The following SPTBN4 variants were observed in gnomAD, a reference collection of about 807,000 sequenced individuals.
SPTBN4 encodes spectrin beta, non-erythrocytic 4.
In SPTBN4, 96 loss-of-function variants were observed where a neutral mutation model predicts 277.8. The ratio of observed to expected loss-of-function variants is 0.35; its 90% confidence interval spans 0.29 to 0.41. The LOEUF (loss-of-function observed/expected upper bound fraction) is 0.41. SPTBN4 is among the 10% of genes least tolerant of loss of function. SPTBN4 has a pLI of 1.00. For missense variants in SPTBN4, 3,006 were observed against 3,595.7 expected (o/e 0.84, Z 4.19); for synonymous variants, 1,481 against 1,580.3 (o/e 0.94, Z 1.49).
intron 6 of SPTBN4, among the ~76,000 whole-genome samples, 177 bp downstream of exon 6, chr19:40,495,154 C>A (rs2080181918): frequency 6.6e-6 from 1 of 152,202 alleles, no homozygotes; most frequent in African/African-American, 2.4e-5. Context: ...CACATTTACA[C>A]ACAGGAACAC....
chr19:40,467,740 C>T (rs1331974805), intron 1 of SPTBN4, among the ~76,000 whole-genome samples: 1 of 152,066 alleles, frequency 6.6e-6, no homozygotes, highest in Non-Finnish European at 1.5e-5. Context: ...CTCGGCCTGG[C>T]CAGAGGGCTA....
chr19:40,575,703 A>C lies in SPTBN4; in HGVS notation c.*134A>C. 8.7e-7 allele frequency: 1 copy of C among 1,155,858 alleles called. No individual in the cohort carries two copies. The highest frequency in any genetic ancestry group is 1.7e-5 in the South Asian group (1 of 60,392). The allele number at this position is 1,155,858 out of a possible 1,614,324, so 71.6% of individuals were successfully genotyped here. A position where few individuals can be genotyped will look rare whatever the true frequency, so the allele number is the denominator to read the frequency against. The stretch of plus-strand genomic sequence containing the variant: ...GGACGCGTGACATGGTGGGCACCGG[A>C]AAGGAGGGGACTTCTCCTGCACCCC... On this transcript the variant is annotated 3_prime_UTR_variant, in exon 36 of 36. Transcript: ENST00000598249.
At chr19:40,512,078 G>A (rs1301117440) in intron 13 of SPTBN4, among the ~76,000 whole-genome samples, 4 of 152,052 alleles carry the variant, frequency 2.6e-5, no homozygotes, top group South Asian at 4.1e-4. Context: ...AACCGAGATC[G>A]CGCTACTGCA....
chr19:40,537,497 A>G (rs546194969), intron 20 of SPTBN4, among the ~76,000 whole-genome samples: 9 of 152,354 alleles, frequency 5.9e-5, no homozygotes, highest in African/African-American at 2.2e-4. Context: ...AACCTTGCAG[A>G]TGCCTTGAAA....
intron 12 of SPTBN4, 143 bp downstream of exon 12, chr19:40,504,275 A>C: frequency 1.3e-6 from 1 of 795,968 alleles, no homozygotes; most frequent in Non-Finnish European, 1.9e-6. Flanking sequence ...GGAGACAAAA[A>C]GAGAGAACAA....
intron 20 of SPTBN4, among the ~76,000 whole-genome samples, chr19:40,547,653 A>G (rs2080873191): frequency 6.6e-6 from 1 of 152,194 alleles, no homozygotes; most frequent in Non-Finnish European, 1.5e-5. Flanking sequence ...CCAACAGTGT[A>G]AAAGTGTTCC....
chr19:40,486,296 G>GA (rs1451007874), intron 2 of SPTBN4, among the ~76,000 whole-genome samples: 4 of 151,490 alleles, frequency 2.6e-5, no homozygotes, highest in Admixed American at 2.6e-4. Flanking sequence ...CGTCTCAAGG[G>GA]AAAAAAAAGG....
At chr19:40,478,451 G>C (rs2079972839) in intron 2 of SPTBN4, among the ~76,000 whole-genome samples, 1 of 152,146 alleles carries the variant, frequency 6.6e-6, no homozygotes, top group African/African-American at 2.4e-5. Flanking sequence ...GATCGCTTGA[G>C]CCCAGGAATT....
At chr19:40,532,511 C>A in intron 18 of SPTBN4, 114 bp from the exon 19 acceptor site, 1 of 1,359,420 alleles carries the variant, frequency 7.4e-7, no homozygotes, top group Non-Finnish European at 9.8e-7. Flanking sequence ...TTTCCTATTC[C>A]TTCCACCCAT....
intron 18 of SPTBN4, 63 bp downstream of exon 18, chr19:40,529,194 C>T: frequency 1.4e-6 from 2 of 1,390,698 alleles, no homozygotes; most frequent in East Asian, 2.3e-5. Context: ...AAGTGCTTCT[C>T]GGCCGAGGTG....
chr19:40,504,537 C>T (rs7257372), intron 12 of SPTBN4, among the ~76,000 whole-genome samples: 29,361 of 151,698 alleles, frequency 0.19, 3,047 homozygotes, highest in Middle Eastern at 0.24. Flanking sequence ...GGCGTAGTGG[C>T]GGGCGCCTGT....
intron 18 of SPTBN4, chr19:40,530,463 G>C: frequency 1.0e-6 from 1 of 975,964 alleles, no homozygotes; most frequent in Non-Finnish European, 1.2e-6. Context: ...CCGCGCGGGG[G>C]CGAGGGAGGG....
In SPTBN4 at chr19:40,513,369, G is replaced by A; in HGVS notation, c.2580G>A (p.Glu860=). The change falls in exon 14 of 36, where the codon GAG becomes GAA. Residue 860 remains glutamate, a synonymous_variant. Transcript: ENST00000598249. ...TGCAGGTGCGCGTGGTGGAAGCAGAGCAGTTGTTCGCTGAGGTGACCGAAG... is the reference window on the plus strand; with the variant it reads ...TGCAGGTGCGCGTGGTGGAAGCAGAACAGTTGTTCGCTGAGGTGACCGAAG... ...VALQVRVVEA[E]QLFAEVTEVA... is the part of the protein sequence containing the mutation. 2 of 1,601,666 alleles carry A rather than the reference G, an allele frequency of 1.2e-6. No homozygotes were observed. The highest frequency in any genetic ancestry group is 1.7e-6 in the Non-Finnish European group (2 of 1,175,738).
intron 11 of SPTBN4, 60 bp from the exon 12 acceptor site, chr19:40,503,770 G>T: frequency 1.3e-6 from 2 of 1,516,184 alleles, no homozygotes; most frequent in South Asian, 2.6e-5. Flanking sequence ...GTCACACAGG[G>T]TCAAGGTAAC....
Position 40,567,764 on chromosome 19 carries a change from C to A in SPTBN4, c.6438C>A (p.Pro2146=). 1 of 1,538,152 alleles carries A rather than the reference C, an allele frequency of 6.5e-7. No homozygotes were observed. The highest frequency in any genetic ancestry group is 1.2e-5 in the South Asian group (1 of 83,292). ...CGGAACTGGCGGCCAAGGCGGCGCC[C>A]CTGCTGCGGCCAGGGGGCTATGAAA... is the stretch of plus-strand genomic sequence containing the variant. ...DPTELAAKAA[P]LLRPGGYERG... Residue 2146 remains proline, a synonymous_variant, in exon 31 of 36, where the codon CCC becomes CCA. Transcript: ENST00000598249.
chr19:40,481,470 TTTTTG>T lies in SPTBN4; in HGVS notation c.170-6208_170-6204del, dbSNP rs556360258. Among the ~76,000 whole-genome samples, 61 of 152,092 alleles carry T rather than the reference TTTTTG, an allele frequency of 4.0e-4. 1 individual carries two copies. In the South Asian group the frequency reaches 9.3e-3, roughly 23 times the overall value. On this transcript the variant is annotated intron_variant, in intron 2 of 35. Transcript: ENST00000598249. ...CACCCCACCCTTGCGATGGTCAGGT[TTTTTG>T]TTTTGTTTTGTTTTGTTTGAGACAG...
chr19:40,556,158 G>C lies in SPTBN4; in HGVS notation c.5159G>C (p.Arg1720Pro). Residue 1720 changes from arginine to proline, a missense_variant, in exon 25 of 36, where the codon CGG becomes CCG. Physicochemically the swap from Arg to Pro is moderately radical, Grantham distance 103 (BLOSUM62 -2). Transcript: ENST00000598249. ...CTCAAGGAGCTGGGTGAGGAGCGCC[G>C]GGTGGCTCTGGAACAGCAGTACTGG... ...VALKELGEER[R>P]VALEQQYWLY... 1 of 1,613,324 alleles carries C rather than the reference G, an allele frequency of 6.2e-7. No individual in the cohort carries two copies. The highest frequency in any genetic ancestry group is 8.5e-7 in the Non-Finnish European group (1 of 1,179,998).
Position 40,534,119 on chromosome 19 carries a change from G to A in SPTBN4, c.4135G>A (p.Ala1379Thr). Residue 1379 changes from alanine (A) to threonine (T), a missense_variant, in exon 20 of 36, where the codon GCC becomes ACC. By Grantham distance (58) the Ala-to-Thr change is moderately conservative. Coordinates refer to ENST00000598249, the MANE Select transcript of SPTBN4 (RefSeq NM_020971.3). Reference protein sequence around the residue: ...QLMQEKPELAASVRKKLGEIR... With the variant: ...QLMQEKPELATSVRKKLGEIR... ...GATGCAGGAGAAGCCCGAACTGGCG[G>A]CCTCCGTGCGGAAGAAGCTGGGCGA... 6 of 1,609,260 alleles carry A rather than the reference G, an allele frequency of 3.7e-6. No individual in the cohort carries two copies. The highest frequency in any genetic ancestry group is 5.1e-6 in the Non-Finnish European group (6 of 1,176,716).
At chr19:40,527,249 CCT>C (rs1768190719) in intron 17 of SPTBN4, among the ~76,000 whole-genome samples, 1 of 152,198 alleles carries the variant, frequency 6.6e-6, no homozygotes, top group African/African-American at 2.4e-5. Flanking sequence ...GTCTTTTCTG[CCT>C]CTGTCTTTCA....
Sources: allele counts gnomAD v4.1 joint callset (sites outside exome capture counted in the v4.1 genomes callset), GRCh38; gene constraint gnomAD v4.1.1; transcripts MANE v1.5; gene names NCBI Gene and HGNC (gene_info 2026-07-23, HGNC 2026-07-21).